Variants in CHRM3 observed in about 807,000 individuals in gnomAD.
CHRM3 encodes the protein muscarinic acetylcholine receptor M3.
A neutral mutation model predicts 41.8 loss-of-function variants in CHRM3; 11 were observed. The ratio of observed to expected loss-of-function variants is 0.26; its 90% CI spans 0.17 to 0.44. The LOEUF (loss-of-function observed/expected upper bound fraction) is 0.44. CHRM3 is among the 20% of genes least tolerant of loss of function. The pLI, the probability that CHRM3 is intolerant of heterozygous loss-of-function variation, is 1.00. For synonymous variants in CHRM3, 297 were observed against 301.4 expected (o/e 0.99, Z 0.15); for missense variants, 571 against 745.4 (o/e 0.77, Z 2.72).
chr1:239,605,196 A>G (rs1379014295), intron 3 of CHRM3, among the ~76,000 whole-genome samples: 1 of 152,238 alleles, frequency 6.6e-6, no homozygotes, highest in Non-Finnish European at 1.5e-5. Flanking sequence ...TTATAAATAC[A>G]GTTATGTGCC....
intron 3 of CHRM3, among the ~76,000 whole-genome samples, chr1:239,578,843 C>T (rs908148849): frequency 1.3e-5 from 2 of 152,054 alleles, no homozygotes; most frequent in Non-Finnish European, 2.9e-5. Flanking sequence ...GTGAGTTCCC[C>T]GAGTGCTTCT....
At chr1:239,689,193 G>A (rs1041607079) in intron 5 of CHRM3, among the ~76,000 whole-genome samples, 2 of 151,806 alleles carry the variant, frequency 1.3e-5, no homozygotes, top group Admixed American at 6.6e-5. Context: ...GAGTAAAAAT[G>A]TGATTTGTTT....
At chr1:239,446,170 C>CAA (rs1467587130) in intron 1 of CHRM3, among the ~76,000 whole-genome samples, 2 of 151,590 alleles carry the variant, frequency 1.3e-5, no homozygotes, top group Non-Finnish European at 2.9e-5. Context: ...CTCCTGACCT[C>CAA]GTGATCCGCC....
At chr1:239,613,020 T>C (rs1667238173) in intron 3 of CHRM3, among the ~76,000 whole-genome samples, 1 of 152,252 alleles carries the variant, frequency 6.6e-6, no homozygotes, top group Non-Finnish European at 1.5e-5. Context: ...AAGTAAACCC[T>C]GACTGTGTAT....
At chr1:239,409,349 T>A (rs567998428) in intron 1 of CHRM3, among the ~76,000 whole-genome samples, 1 of 152,304 alleles carries the variant, frequency 6.6e-6, no homozygotes, top group East Asian at 1.9e-4. Flanking sequence ...CCTAATACTG[T>A]AAATTGTATT....
chr1:239,659,529 G>A (rs1030033000), intron 4 of CHRM3, among the ~76,000 whole-genome samples: 1 of 152,220 alleles, frequency 6.6e-6, no homozygotes, highest in African/African-American at 2.4e-5. Flanking sequence ...GCACAAGTCT[G>A]TCCAAGTAGC....
Position 239,715,285 on chromosome 1 carries a change from G to A in CHRM3, c.-147+36997G>A, listed in dbSNP as rs944297018. On this transcript the variant is annotated intron_variant, in intron 5 of 6. Transcript: ENST00000676153. ...AGTAGTTAGAACATAAAAGGACAGA[G>A]GGCACTATAACTAGAAGAGGAAATA... is the stretch of plus-strand genomic sequence containing the variant. Among the ~76,000 whole-genome samples, 7 of 152,116 alleles carry A rather than the reference G, an allele frequency of 4.6e-5. 1 individual carries two copies. The highest frequency in any genetic ancestry group is 1.0e-4 in the Non-Finnish European group (7 of 68,016).
chr1:239,577,756 G>T (rs1438277218), intron 3 of CHRM3, among the ~76,000 whole-genome samples: 1 of 152,074 alleles, frequency 6.6e-6, no homozygotes, highest in Non-Finnish European at 1.5e-5. Context: ...TTTCCTATCA[G>T]ATTTATGTAT....
At chr1:239,813,911 C>A (rs1405005971) in intron 5 of CHRM3, among the ~76,000 whole-genome samples, 1 of 27,918 alleles carries the variant, frequency 3.6e-5, no homozygotes. Flanking sequence ...AGCGAGACTC[C>A]GTCTCAAAAA....
chr1:239,594,497 T>A (rs1664562693), intron 3 of CHRM3, among the ~76,000 whole-genome samples: 1 of 152,338 alleles, frequency 6.6e-6, no homozygotes, highest in African/African-American at 2.4e-5. Flanking sequence ...TGTGAATTTG[T>A]TGTCACAGAA....
At chr1:239,666,033 C>T (rs1673764254) in intron 4 of CHRM3, among the ~76,000 whole-genome samples, 1 of 152,096 alleles carries the variant, frequency 6.6e-6, no homozygotes, top group South Asian at 2.1e-4. Flanking sequence ...GTATATAACC[C>T]AGCAATGGGA....
At chr1:239,618,662 G>T (rs201391395) in intron 3 of CHRM3, among the ~76,000 whole-genome samples, 1 of 151,182 alleles carries the variant, frequency 6.6e-6, no homozygotes. Context: ...GGCTAACACG[G>T]TGAAACCCCG....
intron 5 of CHRM3, among the ~76,000 whole-genome samples, chr1:239,743,041 C>T (rs930281804): frequency 1.3e-5 from 2 of 151,970 alleles, no homozygotes; most frequent in Non-Finnish European, 2.9e-5. Context: ...AGCAGTGACT[C>T]GGAGCCCAAA....
At chr1:239,606,656 A>T (rs1666331681) in intron 3 of CHRM3, among the ~76,000 whole-genome samples, 1 of 152,160 alleles carries the variant, frequency 6.6e-6, no homozygotes, top group Admixed American at 6.5e-5. Flanking sequence ...AATTTTTAAG[A>T]CTGCGAAGAG....
chr1:239,718,608 CT>C (rs543563536), intron 5 of CHRM3, among the ~76,000 whole-genome samples: 22 of 149,232 alleles, frequency 1.5e-4, no homozygotes, highest in African/African-American at 2.7e-4. Flanking sequence ...AATTTCCATT[CT>C]TTTTTTTTTG....
intron 1 of CHRM3, among the ~76,000 whole-genome samples, chr1:239,420,158 C>T (rs1661835340): frequency 6.6e-6 from 1 of 152,122 alleles, no homozygotes; most frequent in South Asian, 2.1e-4. Flanking sequence ...CATTGAACCC[C>T]ATCTGGTTTA....
In CHRM3 at chr1:239,727,287, C is replaced by G. The variant is rs550892940; in HGVS notation, c.-147+48999C>G. On this transcript the variant is annotated intron_variant, in intron 5 of 6. Transcript: ENST00000676153. ...TGGACAGAATTGTTATTCTGAGTAG[C>G]CTGCACCTGACCCCAAAAGAATGAA... is the stretch of plus-strand genomic sequence containing the variant. 3.3e-5 allele frequency among the ~76,000 whole-genome samples: 5 copies of G among 151,954 alleles called. No individual in the cohort carries two copies. The South Asian group carries it at 1.0e-3, about 32-fold the overall frequency.
intron 6 of CHRM3, among the ~76,000 whole-genome samples, chr1:239,881,146 G>A (rs563075905): frequency 2.0e-5 from 3 of 151,878 alleles, no homozygotes; most frequent in Admixed American, 6.6e-5. Context: ...AGCCGGGCGT[G>A]GTGGTGGGCG....
intron 1 of CHRM3, among the ~76,000 whole-genome samples, chr1:239,406,022 G>T (rs1238538228): frequency 6.6e-6 from 1 of 152,136 alleles, no homozygotes; most frequent in Non-Finnish European, 1.5e-5. Flanking sequence ...CTCCCGAGTA[G>T]CTGGGACTAC....
Sources: allele counts gnomAD v4.1 joint callset (sites outside exome capture counted in the v4.1 genomes callset), GRCh38; gene constraint gnomAD v4.1.1; transcripts MANE v1.5; gene names NCBI Gene and HGNC (gene_info 2026-07-23, HGNC 2026-07-21).